PDE1A: variants seen among roughly 807,000 people sequenced by gnomAD.
PDE1A encodes dual specificity calcium/calmodulin-dependent 3',5'-cyclic nucleotide phosphodiesterase 1A.
A neutral mutation model predicts 61.7 loss-of-function variants in PDE1A; 35 were observed. The observed-to-expected ratio is 0.57, with a 90% CI of 0.43 to 0.75. The LOEUF is 0.75. Among genes scored for constraint, PDE1A ranks in the 30% least tolerant of loss-of-function variants. The pLI, the probability that PDE1A is intolerant of heterozygous loss-of-function variation, is 0.00. For missense variants in PDE1A, 597 were observed against 630.6 expected (o/e 0.95, Z 0.57); for synonymous variants, 232 against 213.2 (o/e 1.09, Z -0.77).
chr2:182,711,602 C>T, the PDE1A span, among the ~76,000 whole-genome samples: 6 of 151,346 alleles, frequency 4.0e-5, no homozygotes, highest in Non-Finnish European at 7.4e-5. Context: ...ATGTAAATAC[C>T]ATTCTTCCAA....
upstream of PDE1A, among the ~76,000 whole-genome samples, chr2:182,527,337 T>A (rs1690792716): frequency 4.6e-4 from 4 of 8,762 alleles, 2 homozygotes; most frequent in African/African-American, 3.0e-3. Context: ...AATATATATA[T>A]ATATATATAT....
At chr2:182,274,084 A>G (rs1203732211) in intron 1 of PDE1A, among the ~76,000 whole-genome samples, 3 of 152,062 alleles carry the variant, frequency 2.0e-5, no homozygotes, top group Non-Finnish European at 2.9e-5. Flanking sequence ...GGAGCAAACC[A>G]GCCCTCTGGG....
chr2:182,171,184 C>T (rs747329739), intron 13 of PDE1A, among the ~76,000 whole-genome samples: 6 of 151,842 alleles, frequency 4.0e-5, no homozygotes, highest in Non-Finnish European at 5.9e-5. Context: ...CTCAGTAACT[C>T]GTGATATTTT....
intron 2 of PDE1A, among the ~76,000 whole-genome samples, chr2:182,501,568 TCTC>T (rs1689083443): frequency 6.6e-6 from 1 of 152,176 alleles, no homozygotes; most frequent in Non-Finnish European, 1.5e-5. Flanking sequence ...GAAAATAAAA[TCTC>T]CTACCATATA....
chr2:182,471,769 T>C (rs994285618), intron 2 of PDE1A, among the ~76,000 whole-genome samples: 12 of 151,728 alleles, frequency 7.9e-5, no homozygotes, highest in African/African-American at 2.9e-4. Context: ...AAGACACTCT[T>C]CCTCTAAACT....
the PDE1A span, among the ~76,000 whole-genome samples, chr2:182,694,203 A>G: frequency 6.6e-6 from 1 of 152,204 alleles, no homozygotes; most frequent in East Asian, 1.9e-4. Flanking sequence ...GTGGATATCC[A>G]GGTGTCCTAG....
intron 2 of PDE1A, among the ~76,000 whole-genome samples, chr2:182,511,920 C>A (rs370656466): frequency 6.6e-6 from 1 of 152,300 alleles, no homozygotes; most frequent in East Asian, 1.9e-4. Flanking sequence ...TCCCCTACCA[C>A]CTTGCCAACA....
the PDE1A span, among the ~76,000 whole-genome samples, chr2:182,713,409 T>A: frequency 6.6e-6 from 1 of 152,182 alleles, no homozygotes. Flanking sequence ...GGTGGGCAGA[T>A]CACCTGAGGT....
chr2:182,389,971 G>A (rs932510561), intron 1 of PDE1A, among the ~76,000 whole-genome samples: 2 of 152,142 alleles, frequency 1.3e-5, no homozygotes, highest in African/African-American at 4.8e-5. Flanking sequence ...GGGGCTCTTG[G>A]GCCATCAGCC....
chr2:182,519,943 T>C (rs1217027912), intron 2 of PDE1A, among the ~76,000 whole-genome samples: 2 of 151,912 alleles, frequency 1.3e-5, no homozygotes. Flanking sequence ...TAAAAATCAC[T>C]TTCTAAACAA....
At chr2:182,585,058 T>C in the PDE1A span, among the ~76,000 whole-genome samples, 23,238 of 152,140 alleles carry the variant, frequency 0.15, 3,041 homozygotes, top group African/African-American at 0.36. Context: ...AACACCTAAA[T>C]AGAGGAGCAC....
the PDE1A span, among the ~76,000 whole-genome samples, chr2:182,652,080 C>T: frequency 6.6e-6 from 1 of 152,072 alleles, no homozygotes; most frequent in African/African-American, 2.4e-5. Flanking sequence ...AATAGCAATG[C>T]ATATAAGGTA....
At chr2:182,451,936 G>A (rs1282510858) in intron 2 of PDE1A, among the ~76,000 whole-genome samples, 1 of 151,508 alleles carries the variant, frequency 6.6e-6, no homozygotes, top group Non-Finnish European at 1.5e-5. Flanking sequence ...AACTTCTGCT[G>A]GGCACTGGTT....
At chr2:182,690,686 C>G in the PDE1A span, among the ~76,000 whole-genome samples, 1 of 152,082 alleles carries the variant, frequency 6.6e-6, no homozygotes, top group Non-Finnish European at 1.5e-5. Flanking sequence ...CCAGGGCAAT[C>G]GGGCAAGAGA....
intron 2 of PDE1A, among the ~76,000 whole-genome samples, chr2:182,256,478 GA>G (rs1010321931): frequency 2.2e-4 from 34 of 152,198 alleles, no homozygotes; most frequent in Admixed American, 1.6e-3. Context: ...TCTAGAACTA[GA>G]AATACCATTT....
intron 1 of PDE1A, among the ~76,000 whole-genome samples, chr2:182,395,494 C>T (rs528395473): frequency 2.0e-5 from 3 of 152,268 alleles, no homozygotes; most frequent in Admixed American, 6.5e-5. Flanking sequence ...GTGTGGGGCA[C>T]GTTGAGATAT....
At chr2:182,175,590 T>G (rs1448207676) in intron 13 of PDE1A, among the ~76,000 whole-genome samples, 1 of 109,584 alleles carries the variant, frequency 9.1e-6, no homozygotes, top group East Asian at 2.5e-4. Context: ...ATTAGCCCTT[T>G]GTCAGATGAG....
At chr2:182,157,088 C>T (rs915939533) in intron 13 of PDE1A, among the ~76,000 whole-genome samples, 3 of 150,060 alleles carry the variant, frequency 2.0e-5, no homozygotes, top group African/African-American at 7.4e-5. Flanking sequence ...AATCTCGGCT[C>T]ACTGCAACCT....
chr2:182,579,484 C>T, the PDE1A span, among the ~76,000 whole-genome samples: 1 of 152,194 alleles, frequency 6.6e-6, no homozygotes, highest in Non-Finnish European at 1.5e-5. Context: ...AGACAAATAT[C>T]TAAAAATTAG....
Sources: allele counts gnomAD v4.1 joint callset (sites outside exome capture counted in the v4.1 genomes callset), GRCh38; gene constraint gnomAD v4.1.1; transcripts MANE v1.5; gene names NCBI Gene and HGNC (gene_info 2026-07-23, HGNC 2026-07-21).